The following DSCAM variants were observed in gnomAD, a reference collection of about 807,000 sequenced individuals.
DSCAM encodes the protein DS cell adhesion molecule.
DSCAM carries 47 observed loss-of-function variants against 217.7 expected under a neutral mutation model. That is an observed-to-expected ratio of 0.22 (90% CI 0.17 to 0.28). The LOEUF (loss-of-function observed/expected upper bound fraction) is 0.28. Ranked by LOEUF, DSCAM falls within the 10% of genes least tolerant of loss-of-function variation. The pLI is 1.00. For missense variants in DSCAM, 2,080 were observed against 2,618.3 expected (o/e 0.79, Z 4.49); for synonymous variants, 1,056 against 1,015.3 (o/e 1.04, Z -0.76).
intron 6 of DSCAM, among the ~76,000 whole-genome samples, chr21:40,340,236 G>A (rs1185080093): frequency 6.6e-6 from 1 of 152,104 alleles, no homozygotes; most frequent in Non-Finnish European, 1.5e-5. Context: ...CAAGAGAACA[G>A]GCATGACCCA....
Position 40,415,164 on chromosome 21 carries a change from A to G in DSCAM, c.509-45919T>C, listed in dbSNP as rs73359142. Reference sequence around the variant, plus strand: ...GATATCAAATTAAAGATTATCATCAAACGAGCCTGATTTTTTCTAACAAAG... The same window carrying G: ...GATATCAAATTAAAGATTATCATCAGACGAGCCTGATTTTTTCTAACAAAG... On this transcript the variant is annotated intron_variant, in intron 3 of 32. Coordinates refer to ENST00000400454, the MANE Select transcript of DSCAM (RefSeq NM_001389.5). 7.8e-3 allele frequency among the ~76,000 whole-genome samples: 1,192 copies of G among 152,346 alleles called. 14 individuals are homozygous for G. The highest frequency in any genetic ancestry group is 0.027 in the African/African-American group (1,121 of 41,572).
At chr21:40,367,308 T>G (rs1222209180) in intron 4 of DSCAM, among the ~76,000 whole-genome samples, 1 of 152,312 alleles carries the variant, frequency 6.6e-6, no homozygotes, top group East Asian at 1.9e-4. Flanking sequence ...CCACCTCTGC[T>G]GCTGGTCCTG....
chr21:40,671,146 A>G (rs1271000063), intron 3 of DSCAM, among the ~76,000 whole-genome samples: 1 of 152,168 alleles, frequency 6.6e-6, no homozygotes, highest in Admixed American at 6.5e-5. Flanking sequence ...GTAGTCTTTG[A>G]CCAGGTTTAC....
chr21:40,177,721 T>C, intron 15 of DSCAM, among the ~76,000 whole-genome samples: 1 of 152,218 alleles, frequency 6.6e-6, no homozygotes, highest in Non-Finnish European at 1.5e-5. Context: ...AATATGAGAT[T>C]TGTTAAACAC....
rs188255437 is a variant in DSCAM at position 40,282,309 on chromosome 21, C to T, written c.2183-6039G>A. ...TAACTATAAGATAGGTAATCTAGGC[C>T]GGGCGCGGTGGCTCACGCCTGTAAT... On this transcript the variant is annotated intron_variant, in intron 10 of 32. Transcript: ENST00000400454. 3.6e-3 allele frequency among the ~76,000 whole-genome samples: 551 copies of T among 152,008 alleles called. 2 individuals carry two copies. Among genetic ancestry groups the T allele is most frequent in the African/African-American group, 0.013 (530 of 41,458 alleles).
intron 21 of DSCAM, among the ~76,000 whole-genome samples, chr21:40,093,454 G>C (rs1300304690): frequency 2.0e-5 from 3 of 152,152 alleles, no homozygotes; most frequent in Non-Finnish European, 2.9e-5. Flanking sequence ...CTACTCCAAG[G>C]AATGAATGAG....
intron 1 of DSCAM, among the ~76,000 whole-genome samples, chr21:40,737,635 C>T (rs1288572593): frequency 1.3e-5 from 2 of 152,146 alleles, no homozygotes; most frequent in African/African-American, 2.4e-5. Flanking sequence ...AGCAAAACTC[C>T]ATCTCAAAAA....
intron 3 of DSCAM, among the ~76,000 whole-genome samples, chr21:40,488,894 A>G (rs1406897151): frequency 3.3e-5 from 5 of 152,232 alleles, no homozygotes; most frequent in Non-Finnish European, 7.3e-5. Flanking sequence ...GATTTCAAAG[A>G]GAATTCACAG....
chr21:40,097,954 A>AAAAAAAAAAAAGAAAG (rs1555877400), intron 20 of DSCAM, among the ~76,000 whole-genome samples: 3 of 51,516 alleles, frequency 5.8e-5, no homozygotes, highest in Non-Finnish European at 7.1e-5. Context: ...AAAAAAAAAA[A>AAAAAAAAAAAAGAAAG]AAAGAAAGAA....
At chr21:40,805,163 T>C (rs1351136245) in intron 1 of DSCAM, among the ~76,000 whole-genome samples, 1 of 152,220 alleles carries the variant, frequency 6.6e-6, no homozygotes, top group African/African-American at 2.4e-5. Context: ...CTTATAATAA[T>C]CTGATCACAC....
chr21:40,827,023 G>A (rs185652644), intron 1 of DSCAM, among the ~76,000 whole-genome samples: 9 of 152,186 alleles, frequency 5.9e-5, no homozygotes, highest in African/African-American at 1.9e-4. Context: ...AAGGAGAGGA[G>A]AAGAGAGGGG....
intron 11 of DSCAM, among the ~76,000 whole-genome samples, chr21:40,226,169 C>G (rs1347382820): frequency 1.3e-5 from 2 of 152,196 alleles, no homozygotes; most frequent in Non-Finnish European, 2.9e-5. Flanking sequence ...CAAAGCCAGA[C>G]AGTCTGGCCC....
At chr21:40,622,701 T>C (rs935568761) in intron 3 of DSCAM, among the ~76,000 whole-genome samples, 1 of 152,192 alleles carries the variant, frequency 6.6e-6, no homozygotes. Flanking sequence ...AGCTCCTCTG[T>C]GCAGCCCACA....
chr21:40,446,637 G>A (rs1017532292), intron 3 of DSCAM, among the ~76,000 whole-genome samples: 1 of 152,158 alleles, frequency 6.6e-6, no homozygotes, highest in South Asian at 2.1e-4. Context: ...GGCCAGAACA[G>A]GCTCTGGCCA....
chr21:40,663,194 G>A (rs1428325908), intron 3 of DSCAM, among the ~76,000 whole-genome samples: 1 of 143,238 alleles, frequency 7.0e-6, no homozygotes, highest in Non-Finnish European at 1.5e-5. Flanking sequence ...TATGACATAT[G>A]TGCATGTGAG....
chr21:40,575,533 A>G (rs1188157973), intron 3 of DSCAM, among the ~76,000 whole-genome samples: 1 of 152,192 alleles, frequency 6.6e-6, no homozygotes, highest in Non-Finnish European at 1.5e-5. Flanking sequence ...ATTAGGTGAC[A>G]GGGGATGAAA....
intron 4 of DSCAM, among the ~76,000 whole-genome samples, chr21:40,354,095 T>G (rs78688182): frequency 6.6e-6 from 1 of 152,162 alleles, no homozygotes; most frequent in Non-Finnish European, 1.5e-5. Flanking sequence ...AGATCCTTAA[T>G]GGGTACAAAT....
chr21:40,042,297 T>C (rs1341687217), intron 32 of DSCAM, 74 bp downstream of exon 32: 24 of 1,526,968 alleles, frequency 1.6e-5, no homozygotes, highest in Non-Finnish European at 1.9e-5. Flanking sequence ...AGAAGGGCTT[T>C]CACAGCAGAT....
rs547019818 is a variant in DSCAM, at chr21:40,015,247, A to G, written c.5687-1861T>C. Among the ~76,000 whole-genome samples, 4 of 152,112 alleles carry G rather than the reference A, an allele frequency of 2.6e-5. No individual in the cohort carries two copies. In the South Asian group the frequency reaches 6.2e-4, roughly 24 times the overall value. ...GAATTCTGAAGGCCACAGTCTACCAATTCAGTTAATGAAGGCCAACCCCAT... is the reference window on the plus strand; with the variant it reads ...GAATTCTGAAGGCCACAGTCTACCAGTTCAGTTAATGAAGGCCAACCCCAT... On this transcript the variant is annotated intron_variant, in intron 32 of 32. Coordinates refer to ENST00000400454, the MANE Select transcript of DSCAM (RefSeq NM_001389.5).
Sources: gnomAD v4.1 joint callset for allele counts (sites outside exome capture counted in the v4.1 genomes callset) on GRCh38, gnomAD v4.1.1 for gene constraint, MANE v1.5 for transcripts, NCBI Gene and HGNC (gene_info 2026-07-23, HGNC 2026-07-21) for gene names.